SKAP1: variants seen among roughly 807,000 people sequenced by gnomAD.
SKAP1 encodes the protein src kinase associated phosphoprotein 1.
Under a neutral mutation model 58.5 loss-of-function variants are expected in SKAP1, and 44 were observed. The observed-to-expected ratio is 0.75, with a 90% CI of 0.59 to 0.97. SKAP1 has a LOEUF of 0.97. SKAP1 is among the 50% of genes least tolerant of loss of function. The probability of loss-of-function intolerance (pLI) is 0.00; values close to 1 mark genes in which losing one functional copy is unlikely to be tolerated. For missense variants in SKAP1, 390 were observed against 435.2 expected (o/e 0.90, Z 0.92); for synonymous variants, 127 against 149.7 (o/e 0.85, Z 1.11).
At chr17:48,303,571 G>A (rs2066091672) in intron 4 of SKAP1, among the ~76,000 whole-genome samples, 1 of 152,162 alleles carries the variant, frequency 6.6e-6, no homozygotes, top group Non-Finnish European at 1.5e-5. Flanking sequence ...CATAAAGGAG[G>A]CAGACTTTAA....
intron 4 of SKAP1, among the ~76,000 whole-genome samples, chr17:48,306,869 C>G (rs2066148801): frequency 6.6e-6 from 1 of 152,178 alleles, no homozygotes; most frequent in Non-Finnish European, 1.5e-5. Flanking sequence ...GAAATTAACT[C>G]TAGATCCCTA....
In SKAP1 at chr17:48,327,035, C is replaced by T. The variant is rs185990506; in HGVS notation, c.280+18870G>A. On this transcript the variant is annotated intron_variant, in intron 4 of 12. Transcript: ENST00000336915. ...CCTCCCAAGTAGCTGGGACTATAGG[C>T]GTGCGCCACCATGCCTTGCTAATTT... Among the ~76,000 whole-genome samples the T allele has an allele frequency of 4.1e-3, 616 of 151,960 alleles. 8 individuals are homozygous for T. The highest frequency in any genetic ancestry group is 0.014 in the African/African-American group (588 of 41,468).
At chr17:48,254,881 G>A (rs920228643) in intron 4 of SKAP1, among the ~76,000 whole-genome samples, 2 of 151,990 alleles carry the variant, frequency 1.3e-5, no homozygotes, top group African/African-American at 4.8e-5. Flanking sequence ...GCAATGGTCT[G>A]AAAATCTATG....
chr17:48,139,103 A>G (rs1034651558), intron 11 of SKAP1, among the ~76,000 whole-genome samples: 2 of 148,978 alleles, frequency 1.3e-5, no homozygotes, highest in African/African-American at 5.0e-5. Flanking sequence ...GTGGTCTCGA[A>G]TTCCCGACTT....
intron 4 of SKAP1, among the ~76,000 whole-genome samples, chr17:48,303,396 G>A (rs2144139167): frequency 6.6e-6 from 1 of 152,246 alleles, no homozygotes; most frequent in South Asian, 2.1e-4. Context: ...ACTATGAATA[G>A]TCTTTTACCT....
rs79855274 is a variant in SKAP1, at chr17:48,374,660, G to T, written c.153-10846C>A. Among the ~76,000 whole-genome samples, 1,326 of 152,356 alleles carry T rather than the reference G, an allele frequency of 8.7e-3. 23 individuals carry two copies. Among genetic ancestry groups the T allele is most frequent in the African/African-American group, 0.031 (1,273 of 41,570 alleles). The stretch of plus-strand genomic sequence containing the variant: ...CAAGGAAATGGCTTTGCTGAGCAAT[G>T]CTAAGAGTCTGTACACTAAATATTT... On this transcript the variant is annotated intron_variant, in intron 2 of 12. Transcript: ENST00000336915.
In SKAP1 at chr17:48,318,373, C is replaced by T. The variant is rs562742035; in HGVS notation, c.280+27532G>A. On this transcript the variant is annotated intron_variant, in intron 4 of 12. Coordinates refer to ENST00000336915, the MANE Select transcript of SKAP1 (RefSeq NM_003726.4). ...AGGAGGCTGGCTCACTTTGATTTCACGCTGGGTGGCCCACTTAAGAGGTCC... is the reference window on the plus strand; with the variant it reads ...AGGAGGCTGGCTCACTTTGATTTCATGCTGGGTGGCCCACTTAAGAGGTCC... 4.6e-5 allele frequency among the ~76,000 whole-genome samples: 7 copies of T among 152,318 alleles called. No homozygotes were observed. The East Asian group carries it at 5.8e-4, about 13-fold the overall frequency.
At chr17:48,276,730 A>G (rs1280370967) in intron 4 of SKAP1, among the ~76,000 whole-genome samples, 1 of 152,188 alleles carries the variant, frequency 6.6e-6, no homozygotes, top group Non-Finnish European at 1.5e-5. Flanking sequence ...AAGGAAGCAG[A>G]GTGTAATGTT....
intron 2 of SKAP1, among the ~76,000 whole-genome samples, chr17:48,365,530 C>T (rs1008864954): frequency 2.0e-5 from 3 of 152,162 alleles, no homozygotes; most frequent in Non-Finnish European, 4.4e-5. Flanking sequence ...CAAATCCTCC[C>T]TCACCCCTTC....
At chr17:48,183,533 C>A (rs746891274) in intron 7 of SKAP1, among the ~76,000 whole-genome samples, 1 of 152,092 alleles carries the variant, frequency 6.6e-6, no homozygotes, top group African/African-American at 2.4e-5. Flanking sequence ...TACAAAGAAA[C>A]TGGATTCCTG....
intron 4 of SKAP1, among the ~76,000 whole-genome samples, chr17:48,300,600 G>C (rs1397991793): frequency 3.9e-5 from 6 of 152,056 alleles, no homozygotes; most frequent in African/African-American, 1.2e-4. Context: ...AGAGTGATGA[G>C]GGGTGAGCCT....
intron 6 of SKAP1, among the ~76,000 whole-genome samples, chr17:48,187,291 C>T (rs1013419513): frequency 2.0e-5 from 3 of 152,184 alleles, no homozygotes; most frequent in African/African-American, 7.2e-5. Flanking sequence ...CGAGTCAACA[C>T]TTCACTGCTG....
intron 11 of SKAP1, among the ~76,000 whole-genome samples, chr17:48,139,850 A>T (rs966012591): frequency 1.2e-4 from 18 of 152,114 alleles, no homozygotes; most frequent in Non-Finnish European, 4.4e-5. Context: ...TTTCTTTCCC[A>T]TTAAAGTCGG....
At position 48,363,781 on chromosome 17, in the gene SKAP1, G is replaced by A. The variant is rs1036299812; in HGVS notation, c.178+8C>T. On this transcript the variant is annotated splice_region_variant and intron_variant, in intron 3 of 12. Coordinates refer to ENST00000336915, the MANE Select transcript of SKAP1 (RefSeq NM_003726.4). Reference sequence around the variant, plus strand: ...GCATAAAACCATACGTGGTCAAAGAGGACTCACCTTGGGGCTGAAAATCCC... The same window carrying A: ...GCATAAAACCATACGTGGTCAAAGAAGACTCACCTTGGGGCTGAAAATCCC... 7 of 1,604,412 alleles carry A rather than the reference G, an allele frequency of 4.4e-6. No homozygotes were observed. The highest frequency in any genetic ancestry group is 1.3e-5 in the African/African-American group (1 of 74,502).
rs141032657 is a variant in SKAP1, at chr17:48,297,227, T to C, written c.280+48678A>G. Among the ~76,000 whole-genome samples the C allele has an allele frequency of 3.6e-3, 551 of 152,330 alleles. 2 individuals carry two copies. Among genetic ancestry groups the C allele is most frequent in the Non-Finnish European group, 6.6e-3 (451 of 68,028 alleles). On this transcript the variant is annotated intron_variant, in intron 4 of 12. Coordinates refer to ENST00000336915, the MANE Select transcript of SKAP1 (RefSeq NM_003726.4). ...CAGTCTCTCTAATCCCTGGTTAACA[T>C]GGTTATTTTAAACTATTTATCATGA... is the stretch of plus-strand genomic sequence containing the variant.
chr17:48,413,523 A>AAAAAAAAAAAAAAAAAAAAT, intron 1 of SKAP1, among the ~76,000 whole-genome samples: 6 of 105,450 alleles, frequency 5.7e-5, no homozygotes, highest in Non-Finnish European at 9.5e-5. Flanking sequence ...TCAAAAAAAA[A>AAAAAAAAAAAAAAAAAAAAT]ATATATATAT....
chr17:48,438,321 A>G, the SKAP1 span, among the ~76,000 whole-genome samples: 1 of 152,204 alleles, frequency 6.6e-6, no homozygotes, highest in Non-Finnish European at 1.5e-5. Flanking sequence ...AAGTTTAGTG[A>G]TTACTGTCCC....
rs181113729 is a variant in SKAP1 at position 48,314,755 on chromosome 17, T to A, written c.280+31150A>T. ...ACTTAGAAAAGTACAAAAATTATTT[T>A]AAAAAAAATCCGAGGAATACTTGAA... On this transcript the variant is annotated intron_variant, in intron 4 of 12. Coordinates refer to ENST00000336915, the MANE Select transcript of SKAP1 (RefSeq NM_003726.4). Among the ~76,000 whole-genome samples the A allele has an allele frequency of 6.0e-3, 905 of 152,036 alleles. 8 individuals carry two copies. The highest frequency in any genetic ancestry group is 0.02 in the African/African-American group (823 of 41,476).
intron 4 of SKAP1, among the ~76,000 whole-genome samples, chr17:48,267,883 C>G (rs976558906): frequency 1.3e-5 from 2 of 152,142 alleles, no homozygotes; most frequent in Non-Finnish European, 2.9e-5. Flanking sequence ...CACCATTTCT[C>G]ATGTGATTAT....
Sources: allele counts gnomAD v4.1 joint callset (sites outside exome capture counted in the v4.1 genomes callset), GRCh38; gene constraint gnomAD v4.1.1; transcripts MANE v1.5; gene names NCBI Gene and HGNC (gene_info 2026-07-23, HGNC 2026-07-21).